CACNA2D1: variants seen among roughly 807,000 people sequenced by gnomAD.
CACNA2D1 encodes calcium voltage-gated channel auxiliary subunit alpha2delta 1, also known as voltage-dependent calcium channel subunit alpha-2/delta-1.
CACNA2D1 carries 53 observed loss-of-function variants against 171.5 expected under a neutral mutation model. The observed-to-expected ratio is 0.31, with a 90% CI of 0.25 to 0.39. The LOEUF is 0.39. Among genes scored for constraint, CACNA2D1 ranks in the 10% least tolerant of loss-of-function variants. The pLI is 1.00. For synonymous variants in CACNA2D1, 442 were observed against 443.1 expected (o/e 1.00, Z 0.03); for missense variants, 903 against 1,299.8 (o/e 0.69, Z 4.69).
At chr7:82,309,898 C>T (rs1332576881) in intron 3 of CACNA2D1, among the ~76,000 whole-genome samples, 1 of 152,146 alleles carries the variant, frequency 6.6e-6, no homozygotes, top group African/African-American at 2.4e-5. Context: ...CGCAAGGGTA[C>T]CTGTGTCATA....
At chr7:82,387,734 A>G (rs1824573377) in intron 1 of CACNA2D1, among the ~76,000 whole-genome samples, 1 of 152,212 alleles carries the variant, frequency 6.6e-6, no homozygotes, top group Admixed American at 6.5e-5. Flanking sequence ...AAATTAAAGT[A>G]CATTAGAATA....
intron 5 of CACNA2D1, among the ~76,000 whole-genome samples, chr7:82,123,177 G>A (rs1402913773): frequency 1.3e-5 from 2 of 152,240 alleles, no homozygotes; most frequent in East Asian, 1.9e-4. Context: ...ACATAAGGCA[G>A]AATTCTTAGA....
At chr7:82,181,080 G>GTTTTTTTTT (rs1797093992) in intron 3 of CACNA2D1, among the ~76,000 whole-genome samples, 6 of 48,960 alleles carry the variant, frequency 1.2e-4, no homozygotes, top group Non-Finnish European at 1.6e-4. Context: ...TTTTTTTTGC[G>GTTTTTTTTT]TCAGTGAGAT....
At chr7:82,032,134 T>C (rs1383343222) in intron 12 of CACNA2D1, among the ~76,000 whole-genome samples, 1 of 151,972 alleles carries the variant, frequency 6.6e-6, no homozygotes, top group Non-Finnish European at 1.5e-5. Flanking sequence ...TCCTCCACAG[T>C]ATCAGGTTCA....
intron 4 of CACNA2D1, among the ~76,000 whole-genome samples, chr7:82,150,287 A>AG (rs1793705973): frequency 1.4e-5 from 2 of 144,052 alleles, no homozygotes; most frequent in African/African-American, 2.6e-5. Flanking sequence ...AACAACAAAA[A>AG]AAAACACCCT....
chr7:82,092,441 G>A (rs1811286023), intron 6 of CACNA2D1, among the ~76,000 whole-genome samples: 2 of 151,444 alleles, frequency 1.3e-5, no homozygotes, highest in Non-Finnish European at 2.9e-5. Flanking sequence ...GCACAATCTA[G>A]GCTCACTGCC....
chr7:82,277,529 A>G (rs746374820), intron 3 of CACNA2D1, among the ~76,000 whole-genome samples: 29 of 151,986 alleles, frequency 1.9e-4, no homozygotes, highest in Middle Eastern at 3.2e-3. Context: ...AACAATGGCT[A>G]TAGACTGGAA....
chr7:82,148,214 A>G (rs963598269), intron 4 of CACNA2D1, among the ~76,000 whole-genome samples: 1 of 152,164 alleles, frequency 6.6e-6, no homozygotes, highest in Non-Finnish European at 1.5e-5. Context: ...ATAAGGCAAT[A>G]GTCTTAAAAG....
At chr7:81,957,805 A>G (rs1793597150) in intron 38 of CACNA2D1, among the ~76,000 whole-genome samples, 1 of 152,144 alleles carries the variant, frequency 6.6e-6, no homozygotes, top group African/African-American at 2.4e-5. Flanking sequence ...CAATTGCTGA[A>G]CATTTTTGTC....
chr7:82,226,915 C>T (rs1158718959), intron 3 of CACNA2D1, among the ~76,000 whole-genome samples: 6 of 152,104 alleles, frequency 3.9e-5, no homozygotes, highest in Non-Finnish European at 7.4e-5. Flanking sequence ...GGGTAGAAGG[C>T]CTTCCCTTTG....
At chr7:81,991,443 G>C (rs1797531778) in intron 20 of CACNA2D1, among the ~76,000 whole-genome samples, 197 bp from the exon 21 acceptor site, 1 of 152,054 alleles carries the variant, frequency 6.6e-6, no homozygotes, top group Non-Finnish European at 1.5e-5. Context: ...AAATGTAAGT[G>C]AAAAATCTTT....
intron 6 of CACNA2D1, among the ~76,000 whole-genome samples, chr7:82,094,252 C>T (rs1811591055): frequency 6.7e-6 from 1 of 150,236 alleles, no homozygotes; most frequent in Admixed American, 6.6e-5. Context: ...AAAAAAAAAA[C>T]TATATACATC....
chr7:82,228,488 G>A (rs1802582098), intron 3 of CACNA2D1, among the ~76,000 whole-genome samples: 1 of 152,016 alleles, frequency 6.6e-6, no homozygotes, highest in African/African-American at 2.4e-5. Flanking sequence ...TCAATCCAAG[G>A]TTAGATCACC....
rs1792291054 is a variant in CACNA2D1, at chr7:81,949,382, C to T, written c.*1010G>A. 6.6e-6 allele frequency: 1 copy of T among 152,004 alleles called. No individual in the cohort carries two copies. Among genetic ancestry groups the T allele is most frequent in the East Asian group, 1.9e-4 (1 of 5,182 alleles). The allele number at this position is 152,004 out of a possible 1,614,324, so 9.4% of individuals were successfully genotyped here. On this transcript the variant is annotated 3_prime_UTR_variant, in exon 39 of 39. Transcript: ENST00000356860. The stretch of plus-strand genomic sequence containing the variant: ...TTTAAAGATGACTTAAGTGCATTTA[C>T]ACTGCAAGGTTCAGATTCTTACATA...
At chr7:82,368,044 C>T (rs529126429) in intron 1 of CACNA2D1, among the ~76,000 whole-genome samples, 1 of 152,208 alleles carries the variant, frequency 6.6e-6, no homozygotes, top group Non-Finnish European at 1.5e-5. Flanking sequence ...GCATTAGCAA[C>T]CTCAATGTAA....
Position 82,066,506 on chromosome 7 carries a change from T to C in CACNA2D1, c.677A>G (p.Asn226Ser), listed in dbSNP as rs774975279. Residue 226 changes from asparagine to serine, a missense_variant, in exon 8 of 39, where the codon AAT becomes AGT. By Grantham distance (46) the Asn-to-Ser change is conservative. This residue lies in a region of CACNA2D1 where 189 missense variants were observed against 266.8 expected (regional missense o/e 0.71). Transcript: ENST00000356860. ...GTCAATCTTATTTGGAGTTCTACTA[T>C]TATCAACCCATGGTGAAGCTAAAAA... is the stretch of plus-strand genomic sequence containing the variant. Reference protein sequence around the residue: ...RYYPASPWVDNSRTPNKIDLY... With the variant: ...RYYPASPWVDSSRTPNKIDLY... 1.1e-5 allele frequency: 17 copies of C among 1,603,950 alleles called. No individual in the cohort carries two copies. The East Asian group carries it at 3.4e-4, about 32-fold the overall frequency.
chr7:82,126,499 A>T lies in CACNA2D1; in HGVS notation c.397-9326T>A, dbSNP rs148900739. Among the ~76,000 whole-genome samples, 922 of 152,318 alleles carry T rather than the reference A, an allele frequency of 6.1e-3. 16 individuals carry two copies. Among genetic ancestry groups the T allele is most frequent in the African/African-American group, 0.021 (886 of 41,570 alleles). On this transcript the variant is annotated intron_variant, in intron 5 of 38. Transcript: ENST00000356860. ...ATTTGAATGATGTAGGCTCTTTGGA[A>T]ATAAAACTCAACTTTTTTTTATTAA...
intron 1 of CACNA2D1, among the ~76,000 whole-genome samples, chr7:82,441,880 G>T (rs761787203): frequency 7.2e-5 from 11 of 152,160 alleles, no homozygotes; most frequent in Non-Finnish European, 1.2e-4. Context: ...AAATTAAATG[G>T]AAGTGTGATG....
intron 26 of CACNA2D1, 127 bp from the exon 27 acceptor site, chr7:81,970,864 A>T: frequency 1.5e-6 from 1 of 688,860 alleles, no homozygotes; most frequent in Non-Finnish European, 2.7e-6. Context: ...ATACACAACT[A>T]TGTTTTAATA....
Sources: allele counts gnomAD v4.1 joint callset (sites outside exome capture counted in the v4.1 genomes callset), GRCh38; gene constraint gnomAD v4.1.1; regional missense constraint gnomAD v4.1.1; transcripts MANE v1.5; gene names NCBI Gene and HGNC (gene_info 2026-07-23, HGNC 2026-07-21).